PTPRG: variants seen among roughly 807,000 people sequenced by gnomAD.
PTPRG encodes the protein receptor-type tyrosine-protein phosphatase gamma.
PTPRG carries 102 observed loss-of-function variants against 165.3 expected under a neutral mutation model. The observed-to-expected ratio is 0.62, with a 90% confidence interval of 0.53 to 0.73. PTPRG has a LOEUF of 0.73. Among genes scored for constraint, PTPRG ranks in the 30% least tolerant of loss-of-function variants. PTPRG has a pLI of 0.00. For synonymous variants in PTPRG, 675 were observed against 669.5 expected (o/e 1.01, Z -0.13); for missense variants, 1,866 against 1,861.4 (o/e 1.00, Z -0.05).
intron 2 of PTPRG, among the ~76,000 whole-genome samples, chr3:61,920,075 A>G (rs1489248175): frequency 1.3e-5 from 2 of 152,232 alleles, no homozygotes; most frequent in Non-Finnish European, 1.5e-5. Context: ...GAGGAGGAAG[A>G]TGATCCCTGG....
chr3:62,177,002 G>A (rs1006963557), intron 8 of PTPRG, among the ~76,000 whole-genome samples: 3 of 152,024 alleles, frequency 2.0e-5, no homozygotes, highest in Admixed American at 6.5e-5. Context: ...AGTGGCTCAC[G>A]CTTGTAATCC....
In PTPRG at chr3:62,217,235, A is replaced by G. The variant is rs955672817; in HGVS notation, c.2156-1616A>G. 1.3e-5 allele frequency among the ~76,000 whole-genome samples: 2 copies of G among 152,176 alleles called. No homozygotes were observed. Among genetic ancestry groups the G allele is most frequent in the African/African-American group, 4.8e-5 (2 of 41,430 alleles). Reference sequence around the variant, plus strand: ...TAGGAAGGCACTTTATAAATGGCAAAGTGCTCTGTGGAGGTTTTTAATCAG... The same window carrying G: ...TAGGAAGGCACTTTATAAATGGCAAGGTGCTCTGTGGAGGTTTTTAATCAG... On this transcript the variant is annotated intron_variant, in intron 12 of 29. Transcript: ENST00000474889. This position sits in a 1 kb window ranked among gnomAD's most constrained non-coding sequence, Gnocchi z 4.3.
intron 2 of PTPRG, among the ~76,000 whole-genome samples, chr3:61,965,581 T>C (rs2040253275): frequency 6.6e-6 from 1 of 151,924 alleles, no homozygotes; most frequent in Non-Finnish European, 1.5e-5. Context: ...AGTGTTCTTC[T>C]AAAGCACTTG....
At chr3:61,740,105 G>T (rs1006302672) in intron 1 of PTPRG, among the ~76,000 whole-genome samples, 1 of 152,262 alleles carries the variant, frequency 6.6e-6, no homozygotes, top group East Asian at 1.9e-4. Flanking sequence ...CATTTCTGCT[G>T]GCCATTAAAG....
chr3:62,213,956 G>C lies in PTPRG; in HGVS notation c.2156-4895G>C, dbSNP rs1314740657. Among the ~76,000 whole-genome samples, 1 of 152,130 alleles carries C rather than the reference G, an allele frequency of 6.6e-6. No homozygotes were observed. The highest frequency in any genetic ancestry group is 1.9e-4 in the East Asian group (1 of 5,186). On this transcript the variant is annotated intron_variant, in intron 12 of 29. Coordinates refer to ENST00000474889, the MANE Select transcript of PTPRG (RefSeq NM_002841.4). This position sits in a 1 kb window ranked among gnomAD's most constrained non-coding sequence, Gnocchi z 4.4. ...CACCTATAATCCCAGCACTTTGAGTGGGGGCTGAGGCAGGAGGATCCCTTG... is the reference window on the plus strand; with the variant it reads ...CACCTATAATCCCAGCACTTTGAGTCGGGGCTGAGGCAGGAGGATCCCTTG...
chr3:62,129,732 G>A (rs1703445227), intron 5 of PTPRG, among the ~76,000 whole-genome samples: 1 of 152,086 alleles, frequency 6.6e-6, no homozygotes, highest in Admixed American at 6.5e-5. Context: ...TGAAATGTTG[G>A]GGATACATTC....
chr3:62,223,235 C>G (rs888373656), intron 13 of PTPRG, among the ~76,000 whole-genome samples: 1 of 152,076 alleles, frequency 6.6e-6, no homozygotes, highest in African/African-American at 2.4e-5. Flanking sequence ...AGGGCAAGAT[C>G]AGAAAGAAAC....
chr3:61,714,488 G>A (rs1369975690), intron 1 of PTPRG, among the ~76,000 whole-genome samples: 1 of 152,192 alleles, frequency 6.6e-6, no homozygotes, highest in Non-Finnish European at 1.5e-5. Context: ...ATGTGCCGAA[G>A]ATGGGAGAGC....
chr3:61,771,700 A>G (rs1252926067), intron 2 of PTPRG, among the ~76,000 whole-genome samples: 2 of 152,216 alleles, frequency 1.3e-5, no homozygotes, highest in East Asian at 3.8e-4. Context: ...AACAATTTAA[A>G]AATATATCTC....
At chr3:61,736,631 A>T (rs2032734726) in intron 1 of PTPRG, among the ~76,000 whole-genome samples, 3 of 152,120 alleles carry the variant, frequency 2.0e-5, no homozygotes, top group Admixed American at 6.5e-5. Flanking sequence ...TTTGCTTTCC[A>T]AACTTTTTCT....
chr3:61,758,590 T>A (rs915228314), intron 2 of PTPRG, among the ~76,000 whole-genome samples: 1 of 152,158 alleles, frequency 6.6e-6, no homozygotes, highest in East Asian at 1.9e-4. Context: ...TAGCTGGGAC[T>A]ACAGGCGTGC....
chr3:61,857,104 C>T (rs2037129298), intron 2 of PTPRG, among the ~76,000 whole-genome samples: 3 of 151,338 alleles, frequency 2.0e-5, no homozygotes, highest in Non-Finnish European at 4.4e-5. Flanking sequence ...TTTTTTTACC[C>T]CCTCTCTCAA....
chr3:61,925,682 G>A (rs2039190190), intron 2 of PTPRG, among the ~76,000 whole-genome samples: 1 of 152,048 alleles, frequency 6.6e-6, no homozygotes, highest in East Asian at 1.9e-4. Context: ...GGCGGAGGTT[G>A]CAGTGAGCCA....
intron 1 of PTPRG, among the ~76,000 whole-genome samples, chr3:61,716,162 T>C (rs2031797729): frequency 1.3e-5 from 2 of 152,192 alleles, no homozygotes; most frequent in East Asian, 3.9e-4. Flanking sequence ...TTTGCTTTTT[T>C]CCCCAGAATT....
At chr3:61,813,906 G>C (rs868599476) in intron 2 of PTPRG, among the ~76,000 whole-genome samples, 1 of 80,962 alleles carries the variant, frequency 1.2e-5, no homozygotes, top group Non-Finnish European at 2.5e-5. Flanking sequence ...TTTTTTTTTT[G>C]GGGGGGGTTG....
In PTPRG at chr3:62,132,619, T is replaced by C. The variant is rs746834721; in HGVS notation, c.633T>C (p.Asn211=). 3 of 1,611,642 alleles carry C rather than the reference T, an allele frequency of 1.9e-6. No individual in the cohort carries two copies. The highest frequency in any genetic ancestry group is 2.2e-5 in the South Asian group (2 of 91,014). The change falls in exon 6 of 30, where the codon AAT becomes AAC. Residue 211 remains asparagine, a synonymous_variant. Coordinates refer to ENST00000474889, the MANE Select transcript of PTPRG (RefSeq NM_002841.4). Reference sequence around the variant, plus strand: ...ACATTTAGGTCAGTCCGAGGGACAATTCTGCACTGGATCCTATTATCCACG... The same window carrying C: ...ACATTTAGGTCAGTCCGAGGGACAACTCTGCACTGGATCCTATTATCCACG... ...AIFFQVSPRD[N]SALDPIIHGL... is the part of the protein sequence containing the mutation.
At chr3:62,277,934 G>A (rs1702288995) in intron 26 of PTPRG, among the ~76,000 whole-genome samples, 1 of 152,014 alleles carries the variant, frequency 6.6e-6, no homozygotes, top group Non-Finnish European at 1.5e-5. Flanking sequence ...TGTGGTAGAA[G>A]GTTTTGAAAA....
chr3:61,595,394 T>C (rs1700678617), intron 1 of PTPRG, among the ~76,000 whole-genome samples: 1 of 152,212 alleles, frequency 6.6e-6, no homozygotes, highest in African/African-American at 2.4e-5. Flanking sequence ...CTAAGATGTC[T>C]CTTCTTACAG....
intron 4 of PTPRG, among the ~76,000 whole-genome samples, chr3:62,021,857 CTTTTTTT>C (rs398062374): frequency 2.6e-4 from 25 of 97,108 alleles, no homozygotes; most frequent in South Asian, 3.5e-4. Context: ...TTTTCCTTTT[CTTTTTTT>C]TTTTTTTTTT....
Sources: gnomAD v4.1 joint callset for allele counts (sites outside exome capture counted in the v4.1 genomes callset) on GRCh38, gnomAD v4.1.1 for gene constraint, Gnocchi (gnomAD v3.1) non-coding constraint, MANE v1.5 for transcripts, NCBI Gene and HGNC (gene_info 2026-07-23, HGNC 2026-07-21) for gene names.